Variants in BACH2 observed in about 807,000 individuals in gnomAD.
The protein encoded by BACH2 is BACH transcriptional regulator 2, also known as transcription regulator protein BACH2.
A neutral mutation model predicts 61.8 loss-of-function variants in BACH2; 5 were observed. That is an observed-to-expected ratio of 0.08 (90% CI 0.04 to 0.17). The LOEUF (loss-of-function observed/expected upper bound fraction) is 0.17. Among genes scored for constraint, BACH2 ranks in the 10% least tolerant of loss-of-function variants. The pLI, the probability that BACH2 is intolerant of heterozygous loss-of-function variation, is 1.00. For missense variants in BACH2, 824 were observed against 1,091.1 expected (o/e 0.76, Z 3.45); for synonymous variants, 446 against 440.1 (o/e 1.01, Z -0.17).
At chr6:89,996,287 T>C (rs1015231809) in intron 6 of BACH2, among the ~76,000 whole-genome samples, 3 of 152,218 alleles carry the variant, frequency 2.0e-5, no homozygotes, top group African/African-American at 7.2e-5. Flanking sequence ...TCCTCACCTA[T>C]GCTAGGCTCA....
At chr6:89,952,732 T>A (rs1171575829) in intron 6 of BACH2, among the ~76,000 whole-genome samples, 1 of 152,240 alleles carries the variant, frequency 6.6e-6, no homozygotes, top group Non-Finnish European at 1.5e-5. Context: ...TTATCTGTTA[T>A]ATTTTACAAA....
rs1440125087 is a variant in BACH2, at chr6:90,093,496, T to C, written c.-161-4387A>G. Among the ~76,000 whole-genome samples the C allele has an allele frequency of 4.6e-5, 7 of 152,348 alleles. No homozygotes were observed. In the East Asian group the frequency reaches 1.2e-3, roughly 25 times the overall value. Reference sequence around the variant, plus strand: ...GTCCAATATGGCAGCCACATGAGGATACTGAGCACTTGAAAAGTACCTAGT... The same window carrying C: ...GTCCAATATGGCAGCCACATGAGGACACTGAGCACTTGAAAAGTACCTAGT... On this transcript the variant is annotated intron_variant, in intron 4 of 8. Coordinates refer to ENST00000257749, the MANE Select transcript of BACH2 (RefSeq NM_021813.4).
intron 3 of BACH2, among the ~76,000 whole-genome samples, chr6:90,249,408 A>G (rs886192783): frequency 6.6e-6 from 1 of 152,176 alleles, no homozygotes; most frequent in Admixed American, 6.5e-5. Context: ...CATAAGACAC[A>G]TTTTGTGCCA....
intron 5 of BACH2, among the ~76,000 whole-genome samples, chr6:90,029,434 T>C (rs1278614345): frequency 6.6e-6 from 1 of 152,084 alleles, no homozygotes; most frequent in Non-Finnish European, 1.5e-5. Context: ...CAGTGAGGCC[T>C]CCCTAACCAC....
At chr6:89,988,623 T>C (rs907208333) in intron 6 of BACH2, among the ~76,000 whole-genome samples, 2 of 151,566 alleles carry the variant, frequency 1.3e-5, no homozygotes, top group Non-Finnish European at 2.9e-5. Context: ...AGTAGAAGAG[T>C]TGGAGGACGC....
chr6:90,255,692 G>GGTACTA (rs1459679179), intron 2 of BACH2, among the ~76,000 whole-genome samples: 7 of 152,194 alleles, frequency 4.6e-5, no homozygotes, highest in African/African-American at 7.2e-5. Context: ...GGTGAATAAG[G>GGTACTA]GTACTAGCTA....
intron 4 of BACH2, among the ~76,000 whole-genome samples, chr6:90,171,752 T>C (rs1471010804): frequency 6.6e-6 from 1 of 152,138 alleles, no homozygotes; most frequent in African/African-American, 2.4e-5. Flanking sequence ...AGATATAAAA[T>C]AGATGTGTTT....
At chr6:89,986,857 T>C (rs1013980098) in intron 6 of BACH2, among the ~76,000 whole-genome samples, 2 of 152,188 alleles carry the variant, frequency 1.3e-5, no homozygotes, top group African/African-American at 4.8e-5. Context: ...GCAGCAGAAA[T>C]AGCATCCCAG....
intron 3 of BACH2, among the ~76,000 whole-genome samples, chr6:90,242,421 C>A (rs913068789): frequency 6.6e-6 from 1 of 152,170 alleles, no homozygotes; most frequent in Admixed American, 6.5e-5. Flanking sequence ...CTTCATTGCT[C>A]ATTTCTTTTT....
intron 6 of BACH2, among the ~76,000 whole-genome samples, chr6:89,991,725 T>C (rs1582154671): frequency 6.6e-6 from 1 of 152,270 alleles, no homozygotes; most frequent in South Asian, 2.1e-4. Context: ...TTTTTTTTTT[T>C]TCAATCTGGG....
At chr6:90,190,351 T>C (rs1002803866) in intron 4 of BACH2, among the ~76,000 whole-genome samples, 13 of 152,202 alleles carry the variant, frequency 8.5e-5, no homozygotes, top group African/African-American at 2.7e-4. Context: ...CTGTAAGAAA[T>C]ATTCAGGCCT....
At chr6:90,103,078 A>G (rs1304286326) in intron 4 of BACH2, among the ~76,000 whole-genome samples, 1 of 122,764 alleles carries the variant, frequency 8.1e-6, no homozygotes, top group East Asian at 2.2e-4. Context: ...CTTCAGGTTC[A>G]AAAACTGATT....
intron 3 of BACH2, among the ~76,000 whole-genome samples, chr6:90,220,965 TG>T (rs992072416): frequency 3.3e-5 from 5 of 152,084 alleles, no homozygotes; most frequent in Non-Finnish European, 7.4e-5. Flanking sequence ...GATCCCTGAG[TG>T]GGGAGGTATT....
intron 8 of BACH2, among the ~76,000 whole-genome samples, chr6:89,934,022 A>C (rs1055786634): frequency 9.9e-5 from 15 of 152,158 alleles, no homozygotes; most frequent in Non-Finnish European, 2.1e-4. Context: ...AAAAGACAAA[A>C]AAAAAGTCAT....
At chr6:90,072,256 A>G (rs1781266714) in intron 5 of BACH2, among the ~76,000 whole-genome samples, 1 of 152,196 alleles carries the variant, frequency 6.6e-6, no homozygotes, top group Non-Finnish European at 1.5e-5. Flanking sequence ...GTAGTTTTGG[A>G]GGTTGTGCCT....
chr6:90,029,200 T>C (rs972293733), intron 5 of BACH2, among the ~76,000 whole-genome samples: 5 of 152,200 alleles, frequency 3.3e-5, no homozygotes, highest in Admixed American at 6.5e-5. Context: ...TTCAGCGATC[T>C]GCATTTTAAC....
chr6:90,070,990 G>T (rs1283698553), intron 5 of BACH2, among the ~76,000 whole-genome samples: 1 of 151,770 alleles, frequency 6.6e-6, no homozygotes, highest in Non-Finnish European at 1.5e-5. Context: ...TTTTTTGTTT[G>T]TTTTTTTGGG....
intron 3 of BACH2, among the ~76,000 whole-genome samples, chr6:90,221,557 T>G (rs1292489362): frequency 6.6e-6 from 1 of 152,168 alleles, no homozygotes; most frequent in Non-Finnish European, 1.5e-5. Flanking sequence ...TTGCAGCCTT[T>G]CCCTTGAGGA....
intron 2 of BACH2, among the ~76,000 whole-genome samples, chr6:90,269,156 G>T (rs1385651015): frequency 1.3e-5 from 2 of 152,062 alleles, no homozygotes; most frequent in African/African-American, 4.8e-5. Flanking sequence ...CAGTAACAGA[G>T]ACAAGTGGCA....
Sources: allele counts gnomAD v4.1 joint callset (sites outside exome capture counted in the v4.1 genomes callset), GRCh38; gene constraint gnomAD v4.1.1; transcripts MANE v1.5; gene names NCBI Gene and HGNC (gene_info 2026-07-23, HGNC 2026-07-21).